The following KIAA1328 variants were observed in gnomAD, a reference collection of about 807,000 sequenced individuals.
KIAA1328 encodes the protein KIAA1328, also known as protein hinderin.
A neutral mutation model predicts 68.1 loss-of-function variants in KIAA1328; 52 were observed. The observed-to-expected ratio is 0.76, with a 90% CI of 0.61 to 0.96. KIAA1328 has a LOEUF of 0.96. Ranked by LOEUF, KIAA1328 falls within the 40% of genes least tolerant of loss-of-function variation. KIAA1328 has a pLI of 0.00. For missense variants in KIAA1328, 641 were observed against 677.6 expected, an observed-to-expected ratio of 0.95 and a Z score of 0.60; for synonymous variants, 232 against 239.4, an observed-to-expected ratio of 0.97 and a Z score of 0.28.
At chr18:37,196,937 G>T (rs542957080) in intron 9 of KIAA1328, among the ~76,000 whole-genome samples, 3 of 152,088 alleles carry the variant, frequency 2.0e-5, no homozygotes, top group African/African-American at 2.4e-5. Context: ...CTTACAAAAA[G>T]CCATATAAAT....
At chr18:37,098,134 G>A (rs1367608587) in intron 7 of KIAA1328, among the ~76,000 whole-genome samples, 2 of 152,166 alleles carry the variant, frequency 1.3e-5, no homozygotes, top group African/African-American at 4.8e-5. Context: ...GTGAGAGAGG[G>A]CATCCCTGTC....
At chr18:36,849,467 T>C (rs1047389594) in intron 4 of KIAA1328, among the ~76,000 whole-genome samples, 1 of 152,018 alleles carries the variant, frequency 6.6e-6, no homozygotes, top group Non-Finnish European at 1.5e-5. Flanking sequence ...CTGTTTTCTG[T>C]CTCTAAGGAT....
intron 7 of KIAA1328, among the ~76,000 whole-genome samples, chr18:37,096,986 A>C (rs1396145210): frequency 6.6e-6 from 1 of 152,104 alleles, no homozygotes; most frequent in Non-Finnish European, 1.5e-5. Context: ...CCTTTCTCAG[A>C]TGAGTAGATT....
intron 4 of KIAA1328, among the ~76,000 whole-genome samples, chr18:36,860,261 C>T (rs1043133394): frequency 1.3e-5 from 2 of 151,876 alleles, no homozygotes; most frequent in Non-Finnish European, 2.9e-5. Flanking sequence ...TTGTTGAGGG[C>T]GTTGTTCTTT....
intron 6 of KIAA1328, among the ~76,000 whole-genome samples, chr18:37,013,186 A>C (rs2054035220): frequency 1.3e-5 from 2 of 152,168 alleles, no homozygotes; most frequent in African/African-American, 4.8e-5. Flanking sequence ...TAGGGTAGCA[A>C]GGCACTAGTA....
At chr18:37,161,656 C>T (rs930693230) in intron 8 of KIAA1328, among the ~76,000 whole-genome samples, 6 of 152,168 alleles carry the variant, frequency 3.9e-5, no homozygotes, top group Admixed American at 2.6e-4. Flanking sequence ...CCTCAGCTTC[C>T]TCTGTTCTTA....
chr18:36,993,327 T>G (rs969299440), intron 6 of KIAA1328, among the ~76,000 whole-genome samples: 1 of 152,244 alleles, frequency 6.6e-6, no homozygotes, highest in Non-Finnish European at 1.5e-5. Context: ...CATATCCTGT[T>G]TCTGTAGTGA....
rs546992592 is a variant in KIAA1328 at position 36,918,463 on chromosome 18, A to T, written c.448+32791A>T. Among the ~76,000 whole-genome samples the T allele has an allele frequency of 5.6e-5, 8 of 143,886 alleles. No individual in the cohort carries two copies. In the East Asian group the frequency reaches 1.4e-3, roughly 26 times the overall value. 94.4% of individuals were successfully genotyped at this position (143,886 alleles called of 152,430 possible). On this transcript the variant is annotated intron_variant, in intron 5 of 9. Transcript: ENST00000280020. ...AGTCTTGCTGTGTCGGCCAGGCTAG[A>T]GTGCAGTGGTGCAATCTTGGCTCAC... is the stretch of plus-strand genomic sequence containing the variant.
At chr18:37,079,447 T>A (rs887914645) in intron 7 of KIAA1328, among the ~76,000 whole-genome samples, 6 of 148,162 alleles carry the variant, frequency 4.0e-5, no homozygotes, top group Admixed American at 6.7e-5. Flanking sequence ...AACCTGCACA[T>A]TGTGCACATG....
chr18:37,158,435 G>T (rs1419754532), intron 7 of KIAA1328, among the ~76,000 whole-genome samples: 1 of 152,158 alleles, frequency 6.6e-6, no homozygotes. Flanking sequence ...TGGAGGATCT[G>T]CTCTTGTTTG....
intron 7 of KIAA1328, among the ~76,000 whole-genome samples, chr18:37,130,760 T>C (rs1020671587): frequency 6.6e-6 from 1 of 152,164 alleles, no homozygotes; most frequent in Non-Finnish European, 1.5e-5. Flanking sequence ...AAATGCCCCA[T>C]GGATAAGAAA....
intron 5 of KIAA1328, among the ~76,000 whole-genome samples, chr18:36,945,353 T>C (rs1175250271): frequency 6.6e-6 from 1 of 152,158 alleles, no homozygotes; most frequent in Non-Finnish European, 1.5e-5. Flanking sequence ...TTTTTTTGCC[T>C]TAGTCTTTGT....
intron 9 of KIAA1328, among the ~76,000 whole-genome samples, chr18:37,183,975 G>A (rs975595276): frequency 2.2e-4 from 34 of 152,254 alleles, no homozygotes; most frequent in Middle Eastern, 3.4e-3. Flanking sequence ...GGATGTGGAC[G>A]TTATGAGCAT....
At chr18:36,972,046 G>A (rs1401320542) in intron 6 of KIAA1328, among the ~76,000 whole-genome samples, 1 of 152,180 alleles carries the variant, frequency 6.6e-6, no homozygotes, top group Non-Finnish European at 1.5e-5. Context: ...ATTCATGACA[G>A]TACAGTACTG....
At chr18:37,019,760 A>G (rs1028608583) in intron 6 of KIAA1328, among the ~76,000 whole-genome samples, 1 of 152,236 alleles carries the variant, frequency 6.6e-6, no homozygotes, top group African/African-American at 2.4e-5. Flanking sequence ...GGAAGAGGCA[A>G]GCAGTTTCTT....
chr18:37,155,921 A>T (rs955959801), intron 7 of KIAA1328, among the ~76,000 whole-genome samples: 1 of 152,082 alleles, frequency 6.6e-6, no homozygotes, highest in Non-Finnish European at 1.5e-5. Flanking sequence ...ACATTCTTAC[A>T]TTTTTCCTTA....
At chr18:36,972,044 C>A (rs551634594) in intron 6 of KIAA1328, among the ~76,000 whole-genome samples, 44 of 152,244 alleles carry the variant, frequency 2.9e-4, no homozygotes, top group Non-Finnish European at 4.6e-4. Flanking sequence ...GTATTCATGA[C>A]AGTACAGTAC....
intron 4 of KIAA1328, among the ~76,000 whole-genome samples, chr18:36,846,061 G>A (rs913944074): frequency 6.6e-6 from 1 of 151,520 alleles, no homozygotes; most frequent in African/African-American, 2.4e-5. Flanking sequence ...CTTAAAATTT[G>A]CTGAGTTTCC....
chr18:37,028,852 G>T (rs964997934), intron 6 of KIAA1328, among the ~76,000 whole-genome samples: 7 of 152,156 alleles, frequency 4.6e-5, no homozygotes, highest in Non-Finnish European at 1.0e-4. Flanking sequence ...AACCAACCTT[G>T]TATTTCAGTA....
Sources: allele counts gnomAD v4.1 joint callset (sites outside exome capture counted in the v4.1 genomes callset), GRCh38; gene constraint gnomAD v4.1.1; transcripts MANE v1.5; gene names NCBI Gene and HGNC (gene_info 2026-07-23, HGNC 2026-07-21).